Variants in TFDP1 observed in about 807,000 individuals in gnomAD.
TFDP1 encodes DRTF1-polypeptide 1.
TFDP1 carries 6 observed loss-of-function variants against 48.0 expected under a neutral mutation model. The observed-to-expected ratio is 0.13, with a 90% CI of 0.07 to 0.25. The LOEUF (loss-of-function observed/expected upper bound fraction) is 0.25, where lower values mean the gene tolerates loss of function less well. Among genes scored for constraint, TFDP1 ranks in the 10% least tolerant of loss-of-function variants. The pLI is 1.00. For synonymous variants in TFDP1, 201 were observed against 211.6 expected, an observed-to-expected ratio of 0.95 and a Z score of 0.44; for missense variants, 335 against 543.0, an observed-to-expected ratio of 0.62 and a Z score of 3.81.
At chr13:113,634,674 C>G (rs949975894) in intron 8 of TFDP1, 72 bp downstream of exon 8, 44 of 1,179,550 alleles carry the variant, frequency 3.7e-5, no homozygotes, top group Admixed American at 5.8e-5. Flanking sequence ...CGGCAACATA[C>G]TGCCTTGGGT....
chr13:113,636,935 C>T (rs538588438), intron 10 of TFDP1, among the ~76,000 whole-genome samples: 7 of 152,176 alleles, frequency 4.6e-5, no homozygotes, highest in South Asian at 4.2e-4. Context: ...ACAGGTGGCT[C>T]GTGTGGATTT....
intron 3 of TFDP1, among the ~76,000 whole-genome samples, chr13:113,613,518 T>C (rs534149513): frequency 6.6e-6 from 1 of 152,266 alleles, no homozygotes; most frequent in South Asian, 2.1e-4. Context: ...TCTGTGTCAA[T>C]ATGTGTGCAT....
chr13:113,621,172 C>T (rs2048985391), intron 3 of TFDP1, among the ~76,000 whole-genome samples: 1 of 152,224 alleles, frequency 6.6e-6, no homozygotes, highest in Non-Finnish European at 1.5e-5. Context: ...AAGGGAGATG[C>T]CTGTGGGGAG....
At chr13:113,595,735 T>C (rs927731170) in intron 2 of TFDP1, among the ~76,000 whole-genome samples, 5 of 152,238 alleles carry the variant, frequency 3.3e-5, no homozygotes, top group Non-Finnish European at 7.3e-5. Flanking sequence ...CAGTGTGAGG[T>C]ATAGCCGTCA....
intron 4 of TFDP1, among the ~76,000 whole-genome samples, chr13:113,630,729 A>G (rs533383337): frequency 1.3e-5 from 2 of 152,358 alleles, no homozygotes; most frequent in African/African-American, 4.8e-5. Context: ...ATTTGCCTGT[A>G]TGAGGGTGTC....
At chr13:113,632,795 C>A (rs550792239) in intron 5 of TFDP1, among the ~76,000 whole-genome samples, 1 of 152,078 alleles carries the variant, frequency 6.6e-6, no homozygotes, top group South Asian at 2.1e-4. Flanking sequence ...AAAACAACAA[C>A]AAAAAGAAAA....
Position 113,637,885 on chromosome 13 carries a change from G to A in TFDP1, c.1074G>A (p.Arg358=). The change falls in exon 11 of 12, where the codon AGG becomes AGA. Residue 358 remains arginine, a synonymous_variant. Transcript: ENST00000375370. ...CAGGTTCCACGTCTAACGGCACAAG[G>A]TTCTCTGCCAGGTGACAGTCGTTGA... ...TTAGSTSNGT[R]FSASDLTNGA... The A allele has an allele frequency of 6.2e-7, 1 of 1,613,534 alleles. No individual in the cohort carries two copies.
intron 2 of TFDP1, among the ~76,000 whole-genome samples, chr13:113,588,876 G>T (rs1750555145): frequency 6.6e-6 from 1 of 151,874 alleles, no homozygotes; most frequent in Non-Finnish European, 1.5e-5. Flanking sequence ...AGTGGTGATG[G>T]TGGTGTAGGT....
chr13:113,599,632 G>C (rs2048362385), intron 2 of TFDP1, among the ~76,000 whole-genome samples: 1 of 152,178 alleles, frequency 6.6e-6, no homozygotes, highest in African/African-American at 2.4e-5. Context: ...TGTTGGATCA[G>C]TGTCCTGATA....
chr13:113,614,240 A>C (rs1243128511), intron 3 of TFDP1, among the ~76,000 whole-genome samples: 1 of 150,170 alleles, frequency 6.7e-6, no homozygotes, highest in African/African-American at 2.5e-5. Context: ...GTGTGAGTTG[A>C]GTGTGAGTTC....
intron 2 of TFDP1, among the ~76,000 whole-genome samples, chr13:113,605,123 G>A (rs2140360242): frequency 6.6e-6 from 1 of 151,886 alleles, no homozygotes; most frequent in South Asian, 2.1e-4. Context: ...TAGTTCTTGC[G>A]ACTCTTCCTG....
At chr13:113,605,852 G>C (rs1057182263) in intron 2 of TFDP1, among the ~76,000 whole-genome samples, 13 of 143,844 alleles carry the variant, frequency 9.0e-5, no homozygotes, top group Non-Finnish European at 1.5e-4. Flanking sequence ...AGTGGTGAGT[G>C]TCCGCAGGGG....
chr13:113,590,128 T>C (rs550039544), intron 2 of TFDP1, among the ~76,000 whole-genome samples: 2 of 152,384 alleles, frequency 1.3e-5, no homozygotes, highest in South Asian at 4.1e-4. Flanking sequence ...GCTCTTGGGC[T>C]GTGCGGGCAC....
intron 5 of TFDP1, 138 bp from the exon 6 acceptor site, chr13:113,632,982 G>A (rs2049377571): frequency 9.7e-6 from 10 of 1,026,058 alleles, no homozygotes; most frequent in South Asian, 7.9e-5. Flanking sequence ...GCCTGCTCAC[G>A]TGTTGGATCT....
Position 113,598,297 on chromosome 13 carries a change from G to A in TFDP1, c.12+12448G>A, listed in dbSNP as rs1365773538. 6.6e-6 allele frequency among the ~76,000 whole-genome samples: 1 copy of A among 152,206 alleles called. No homozygotes were observed. The highest frequency in any genetic ancestry group is 2.1e-4 in the South Asian group (1 of 4,830). ...AACTGATGTATGGGTTTTCCAGGCA[G>A]TTTTGCATTTGTGCCTGTTGTAGAC... On this transcript the variant is annotated intron_variant, in intron 2 of 11. Coordinates refer to ENST00000375370, the MANE Select transcript of TFDP1 (RefSeq NM_007111.5). This position sits in a 1 kb window ranked among gnomAD's most constrained non-coding sequence, Gnocchi z 4.2.
At chr13:113,590,145 C>G (rs1422157137) in intron 2 of TFDP1, among the ~76,000 whole-genome samples, 1 of 152,226 alleles carries the variant, frequency 6.6e-6, no homozygotes, top group East Asian at 1.9e-4. Flanking sequence ...GCACTTGGAC[C>G]TGGTCAGCTC....
intron 2 of TFDP1, among the ~76,000 whole-genome samples, chr13:113,594,068 G>A (rs1388786320): frequency 7.2e-6 from 1 of 139,084 alleles, no homozygotes; most frequent in Non-Finnish European, 1.5e-5. Context: ...TGGTGTACAC[G>A]GGTCCTCAGC....
chr13:113,608,454 A>G (rs1027861483), intron 2 of TFDP1, among the ~76,000 whole-genome samples: 2 of 152,110 alleles, frequency 1.3e-5, no homozygotes, highest in African/African-American at 4.8e-5. Context: ...GTCATCCTCC[A>G]CAGCTGGGAC....
Position 113,601,319 on chromosome 13 carries a change from C to T in TFDP1, c.13-9677C>T, listed in dbSNP as rs1022444241. Among the ~76,000 whole-genome samples the T allele has an allele frequency of 8.6e-5, 5 of 58,320 alleles. No individual in the cohort carries two copies. In the East Asian group the frequency reaches 2.4e-3, roughly 28 times the overall value. 38.3% of individuals were successfully genotyped at this position (58,320 alleles called of 152,430 possible). On this transcript the variant is annotated intron_variant, in intron 2 of 11. Coordinates refer to ENST00000375370, the MANE Select transcript of TFDP1 (RefSeq NM_007111.5). ...GTGCCCTGAGTTGGTCTGGGCAGGA[C>T]CACTTTCAAATTAACTCACCCGGCT...
Sources: gnomAD v4.1 joint callset for allele counts (sites outside exome capture counted in the v4.1 genomes callset) on GRCh38, gnomAD v4.1.1 for gene constraint, Gnocchi (gnomAD v3.1) non-coding constraint, MANE v1.5 for transcripts, NCBI Gene and HGNC (gene_info 2026-07-23, HGNC 2026-07-21) for gene names.